The following HEPACAM variants were observed in gnomAD, a reference collection of about 807,000 sequenced individuals.
HEPACAM encodes hepatic and glial cell adhesion molecule.
A neutral mutation model predicts 38.3 loss-of-function variants in HEPACAM; 18 were observed. The ratio of observed to expected loss-of-function variants is 0.47; its 90% CI spans 0.33 to 0.70. The LOEUF is 0.70. HEPACAM is among the 30% of genes least tolerant of loss of function. HEPACAM has a pLI of 0.03. For missense variants in HEPACAM, 466 were observed against 563.0 expected (o/e 0.83, Z 1.74); for synonymous variants, 216 against 243.1 (o/e 0.89, Z 1.04).
At chr11:124,923,633 C>T (rs1249801245) in intron 3 of HEPACAM, 96 bp downstream of exon 3, 18 of 1,480,890 alleles carry the variant, frequency 1.2e-5, no homozygotes, top group Non-Finnish European at 1.5e-5. Context: ...TGTTCCCCTC[C>T]CCCCAGTGAC....
Position 124,921,318 on chromosome 11 carries a change from A to G in HEPACAM, c.1071T>C (p.Ser357=). ...CTGGGGAGCGCGGGTAGCGGCGGGC[A>G]GAGCGGATGGGCAGCCCCGGCGAGC... The part of the protein sequence containing the change: ...PGRSPGLPIR[S]ARRYPRSPAR... Residue 357 remains serine (S), a synonymous_variant, in exon 7 of 7, where the codon TCT becomes TCC. Transcript: ENST00000298251. This position sits in a 1 kb window ranked among gnomAD's most constrained non-coding sequence, Gnocchi z 4.6. The G allele has an allele frequency of 7.8e-7, 1 of 1,285,644 alleles. No homozygotes were observed. Among genetic ancestry groups the G allele is most frequent in the Non-Finnish European group, 9.8e-7 (1 of 1,022,388 alleles). 79.6% of individuals were successfully genotyped at this position (1,285,644 alleles called of 1,614,324 possible).
chr11:124,928,154 C>A (rs191313684), intron 1 of HEPACAM, among the ~76,000 whole-genome samples: 2 of 152,156 alleles, frequency 1.3e-5, no homozygotes, highest in African/African-American at 4.8e-5. Flanking sequence ...TGAGTCCTAT[C>A]CCCCCTCAAT....
chr11:124,920,314 G>A lies in HEPACAM; in HGVS notation c.*824C>T, dbSNP rs150396894. ...CTCATTTGGTCTAGTTTTCGGGCCA[G>A]GGGAGTAAGTGAAATTCACTTCTCT... On this transcript the variant is annotated 3_prime_UTR_variant, in exon 7 of 7. Coordinates refer to ENST00000298251, the MANE Select transcript of HEPACAM (RefSeq NM_152722.5). The A allele has an allele frequency of 2.4e-5, 33 of 1,357,338 alleles. No individual in the cohort carries two copies. In the African/African-American group the frequency reaches 3.9e-4, roughly 16 times the overall value. The allele number at this position is 1,357,338 out of a possible 1,614,324, so 84.1% of individuals were successfully genotyped here.
At position 124,924,720 on chromosome 11, in the gene HEPACAM, C is replaced by T. The variant is rs1295074203; in HGVS notation, c.427+8G>A. ...AGTCTTGCCTCTTTCCCTGCCAGAG[C>T]GCTTTACCATCTACAGTAAGGTTGA... On this transcript the variant is annotated splice_region_variant and intron_variant, in intron 2 of 6. Coordinates refer to ENST00000298251, the MANE Select transcript of HEPACAM (RefSeq NM_152722.5). This position sits in a 1 kb window ranked among gnomAD's most constrained non-coding sequence, Gnocchi z 4.4. The T allele has an allele frequency of 3.1e-6, 5 of 1,610,618 alleles. No individual in the cohort carries two copies. Among genetic ancestry groups the T allele is most frequent in the Non-Finnish European group, 4.2e-6 (5 of 1,176,980 alleles).
rs182396988 is a variant in HEPACAM at position 124,934,222 on chromosome 11, T to C, written c.85+1700A>G. The stretch of plus-strand genomic sequence containing the variant: ...AATCCTCCTACTTCCTACAGGTCAC[T>C]AGCTCCTGACTTTACCTCTAAAATA... On this transcript the variant is annotated intron_variant, in intron 1 of 6. Coordinates refer to ENST00000298251, the MANE Select transcript of HEPACAM (RefSeq NM_152722.5). 6.3e-3 allele frequency among the ~76,000 whole-genome samples: 964 copies of C among 152,304 alleles called. 9 individuals carry two copies. The highest frequency in any genetic ancestry group is 9.7e-3 in the Non-Finnish European group (663 of 68,030).
chr11:124,925,522 G>T (rs1157253881), intron 1 of HEPACAM, among the ~76,000 whole-genome samples: 1 of 152,172 alleles, frequency 6.6e-6, no homozygotes, highest in Non-Finnish European at 1.5e-5. Context: ...AGATCTTCTT[G>T]ATTGGGGATT....
At position 124,919,273 on chromosome 11, in the gene HEPACAM, C is replaced by G. The variant is rs1947090655; in HGVS notation, c.*1865G>C. ...ATTTCATCAAAAGTTTATTGAGCAT[C>G]CAGTATGTGCTAGGCACTCTGCTGG... On this transcript the variant is annotated 3_prime_UTR_variant, in exon 7 of 7. Transcript: ENST00000298251. 1 of 157,264 alleles carries G rather than the reference C, an allele frequency of 6.4e-6. No homozygotes were observed. Among genetic ancestry groups the G allele is most frequent in the Non-Finnish European group, 1.4e-5 (1 of 71,310 alleles). The allele number at this position is 157,264 out of a possible 1,614,324, so 9.7% of individuals were successfully genotyped here.
In HEPACAM at chr11:124,920,006, A is replaced by T. The variant is rs1947104447; in HGVS notation, c.*1132T>A. 3 of 1,612,506 alleles carry T rather than the reference A, an allele frequency of 1.9e-6. No individual in the cohort carries two copies. Among genetic ancestry groups the T allele is most frequent in the Non-Finnish European group, 2.5e-6 (3 of 1,179,804 alleles). The stretch of plus-strand genomic sequence containing the variant: ...ACAGCGGCCCAGCCTCTTTATTTTG[A>T]TGTTAGTGTGATTAGGGAGTCTGCC... On this transcript the variant is annotated 3_prime_UTR_variant, in exon 7 of 7. Transcript: ENST00000298251.
chr11:124,923,705 A>C (rs1427638050), intron 3 of HEPACAM, 24 bp downstream of exon 3: 1 of 1,613,802 alleles, frequency 6.2e-7, no homozygotes, highest in Admixed American at 1.7e-5. Flanking sequence ...TGAGTACTAA[A>C]GGAAAGCCTG....
chr11:124,921,013 A>G lies in HEPACAM; in HGVS notation c.*125T>C. ...ATGCTCATACACGTTCACACCCGAGACACCAGCGCCCCCCCGGGACCTCCC... is the reference window on the plus strand; with the variant it reads ...ATGCTCATACACGTTCACACCCGAGGCACCAGCGCCCCCCCGGGACCTCCC... On this transcript the variant is annotated 3_prime_UTR_variant, in exon 7 of 7. Transcript: ENST00000298251. This position sits in a 1 kb window ranked among gnomAD's most constrained non-coding sequence, Gnocchi z 4.6. 2 of 1,400,042 alleles carry G rather than the reference A, an allele frequency of 1.4e-6. No homozygotes were observed. The highest frequency in any genetic ancestry group is 1.8e-6 in the Non-Finnish European group (2 of 1,081,360). The allele number at this position is 1,400,042 out of a possible 1,614,324, so 86.7% of individuals were successfully genotyped here.
chr11:124,920,534 T>C lies in HEPACAM; in HGVS notation c.*604A>G. 7.1e-7 allele frequency: 1 copy of C among 1,418,150 alleles called. No individual in the cohort carries two copies. The highest frequency in any genetic ancestry group is 1.3e-5 in the South Asian group (1 of 74,112). The allele number at this position is 1,418,150 out of a possible 1,614,324, so 87.8% of individuals were successfully genotyped here. ...CCTCACCACCTTGTAGGTCCCCAGG[T>C]ACCAGGTGCCCAGGGAAGAAGGCCT... On this transcript the variant is annotated 3_prime_UTR_variant, in exon 7 of 7. Transcript: ENST00000298251.
At position 124,921,307 on chromosome 11, in the gene HEPACAM, T is replaced by G. The variant is rs988009608; in HGVS notation, c.1082A>C (p.Tyr361Ser). The G allele has an allele frequency of 8.5e-5, 111 of 1,300,852 alleles. No homozygotes were observed. Among genetic ancestry groups the G allele is most frequent in the South Asian group, 1.5e-4 (6 of 41,256 alleles). 80.6% of individuals were successfully genotyped at this position (1,300,852 alleles called of 1,614,324 possible). ...TGGGGAGCGCGCTGGGGAGCGCGGG[T>G]AGCGGCGGGCAGAGCGGATGGGCAG... ...PGLPIRSARR[Y>S]PRSPARSPAT... The change falls in exon 7 of 7, where the codon TAC becomes TCC. Residue 361 changes from tyrosine to serine, a missense_variant. By Grantham distance (144) the Tyr-to-Ser change is moderately radical. Coordinates refer to ENST00000298251, the MANE Select transcript of HEPACAM (RefSeq NM_152722.5). This position sits in a 1 kb window ranked among gnomAD's most constrained non-coding sequence, Gnocchi z 4.6.
chr11:124,924,027 G>A lies in HEPACAM; in HGVS notation c.428-17C>T. 6.2e-7 allele frequency: 1 copy of A among 1,600,122 alleles called. No homozygotes were observed. The highest frequency in any genetic ancestry group is 8.5e-7 in the Non-Finnish European group (1 of 1,176,488). On this transcript the variant is annotated splice_polypyrimidine_tract_variant and intron_variant, in intron 2 of 6. Transcript: ENST00000298251. The surrounding 1 kb of genome is among the most constrained non-coding windows in gnomAD (Gnocchi z 4.4). Reference sequence around the variant, plus strand: ...AAATGGGCACTGAGCCGCAGGAATGGGGGAGCCTGTAAGTCATTGGCTAAG... The same window carrying A: ...AAATGGGCACTGAGCCGCAGGAATGAGGGAGCCTGTAAGTCATTGGCTAAG...
rs748576451 is a variant in HEPACAM, at chr11:124,921,433, G to A, written c.956C>T (p.Pro319Leu). The part of the protein sequence containing the change: ...ALYILKDKDS[P>L]ETEENPAPEP... ...CGGGGCCGGGTTCTCCTCGGTCTCC[G>A]GGGAGTCCTGCAAGGACACGCGCCG... Residue 319 changes from proline to leucine, a missense_variant, in exon 7 of 7, where the codon CCG becomes CTG. Transcript: ENST00000298251. The surrounding 1 kb of genome is among the most constrained non-coding windows in gnomAD (Gnocchi z 4.6). The A allele has an allele frequency of 2.4e-6, 3 of 1,268,692 alleles. No individual in the cohort carries two copies. The highest frequency in any genetic ancestry group is 3.8e-5 in the Admixed American group (1 of 26,206). 78.6% of individuals were successfully genotyped at this position (1,268,692 alleles called of 1,614,324 possible).
intron 1 of HEPACAM, among the ~76,000 whole-genome samples, chr11:124,927,630 A>T (rs1947234357): frequency 6.6e-6 from 1 of 151,290 alleles, no homozygotes. Context: ...TGGCCTCCCA[A>T]AGTGCTGGGA....
rs1281423925 is a variant in HEPACAM at position 124,921,965 on chromosome 11, A to G, written c.948+423T>C. Among the ~76,000 whole-genome samples the G allele has an allele frequency of 2.6e-5, 4 of 152,206 alleles. No homozygotes were observed. The highest frequency in any genetic ancestry group is 9.6e-5 in the African/African-American group (4 of 41,454). ...GGTACTGGTCCATAGCCTGTTAGGA[A>G]GGGAGCGGCAGAGCAGGAGGTGAGC... On this transcript the variant is annotated intron_variant, in intron 6 of 6. Transcript: ENST00000298251. The surrounding 1 kb of genome is among the most constrained non-coding windows in gnomAD (Gnocchi z 4.6).
chr11:124,922,338 TGGGA>T (rs1344734960), intron 6 of HEPACAM, 46 bp downstream of exon 6: 1 of 1,505,490 alleles, frequency 6.6e-7, no homozygotes, highest in South Asian at 1.1e-5. Flanking sequence ...ATCAGGCATG[TGGGA>T]GGGGATCACT....
Position 124,920,079 on chromosome 11 carries a change from G to A in HEPACAM, c.*1059C>T, listed in dbSNP as rs1179477522. 8 of 1,541,652 alleles carry A rather than the reference G, an allele frequency of 5.2e-6. No individual in the cohort carries two copies. Among genetic ancestry groups the A allele is most frequent in the Non-Finnish European group, 7.0e-6 (8 of 1,137,296 alleles). On this transcript the variant is annotated 3_prime_UTR_variant, in exon 7 of 7. Transcript: ENST00000298251. ...GAGCATGTGGGAGCAGGGCAGATGG[G>A]TGGCAGGAGGCCAGGGGTTGGATCA...
At chr11:124,929,916 C>A (rs1947262433) in intron 1 of HEPACAM, among the ~76,000 whole-genome samples, 1 of 152,166 alleles carries the variant, frequency 6.6e-6, no homozygotes, top group South Asian at 2.1e-4. Flanking sequence ...CTTAAATTTA[C>A]CTTTTAAAAG....
Sources: gnomAD v4.1 joint callset for allele counts (sites outside exome capture counted in the v4.1 genomes callset) on GRCh38, gnomAD v4.1.1 for gene constraint, Gnocchi (gnomAD v3.1) non-coding constraint, MANE v1.5 for transcripts, NCBI Gene and HGNC (gene_info 2026-07-23, HGNC 2026-07-21) for gene names.